The following PCYOX1 variants were observed in gnomAD, a reference collection of about 807,000 sequenced individuals.
The protein encoded by PCYOX1 is prenylcysteine oxidase 1.
In PCYOX1, 46 loss-of-function variants were observed where a neutral mutation model predicts 46.4. The observed-to-expected ratio is 0.99, with a 90% confidence interval of 0.78 to 1.27. The LOEUF is 1.27. PCYOX1 is among the 50% of genes most tolerant of loss of function. The probability of loss-of-function intolerance (pLI) is 0.00; values close to 1 mark genes in which losing one functional copy is unlikely to be tolerated. For missense variants in PCYOX1, 658 were observed against 628.3 expected (o/e 1.05, Z -0.51); for synonymous variants, 220 against 231.8 (o/e 0.95, Z 0.46).
At chr2:70,264,081 G>T (rs558280776) in intron 3 of PCYOX1, among the ~76,000 whole-genome samples, 3 of 148,148 alleles carry the variant, frequency 2.0e-5, no homozygotes, top group Non-Finnish European at 4.5e-5. Context: ...GCCTACCTTA[G>T]CCTCTGTGTA....
intron 5 of PCYOX1, among the ~76,000 whole-genome samples, chr2:70,276,006 A>G (rs1484014123): frequency 1.3e-5 from 2 of 149,792 alleles, no homozygotes; most frequent in Non-Finnish European, 3.0e-5. Context: ...AGGCTGAGGC[A>G]GGAGAATCAC....
At chr2:70,264,235 G>A (rs1182630358) in intron 3 of PCYOX1, among the ~76,000 whole-genome samples, 1 of 151,950 alleles carries the variant, frequency 6.6e-6, no homozygotes, top group Non-Finnish European at 1.5e-5. Context: ...AAAGTGTTGG[G>A]ATTACGGTTG....
upstream of PCYOX1, chr2:70,258,013 C>T (rs1448862063): frequency 3.8e-6 from 2 of 524,370 alleles, no homozygotes; most frequent in African/African-American, 2.1e-5. Flanking sequence ...TTGAGAGGAC[C>T]GGCGGGGCGA....
intron 2 of PCYOX1, among the ~76,000 whole-genome samples, chr2:70,260,822 C>T (rs182360720): frequency 1.2e-4 from 19 of 152,304 alleles, no homozygotes; most frequent in African/African-American, 2.6e-4. Context: ...CCTCTGCTTC[C>T]GTTTCCTCCA....
intron 3 of PCYOX1, among the ~76,000 whole-genome samples, chr2:70,273,529 C>G (rs1696630161): frequency 6.6e-6 from 1 of 152,146 alleles, no homozygotes; most frequent in African/African-American, 2.4e-5. Flanking sequence ...GTGAAAGTTT[C>G]CCTTCCATGA....
In PCYOX1 at chr2:70,275,613, T is replaced by C; in HGVS notation, c.806T>C (p.Leu269Pro). 6.2e-7 allele frequency: 1 copy of C among 1,614,136 alleles called. No individual in the cohort carries two copies. The highest frequency in any genetic ancestry group is 8.5e-7 in the Non-Finnish European group (1 of 1,180,014). ...CTTCTGCAGGCATCCAAAAGCAATC[T>C]TATATCTGGCTCAGTAATGTACATC... ...SGLLQASKSNLISGSVMYIEE... is the reference protein window; with the variant it reads ...SGLLQASKSNPISGSVMYIEE... The change falls in exon 5 of 6, where the codon CTT (leucine) becomes CCT (proline). Residue 269 changes from leucine (L) to proline (P), a missense_variant. Physicochemically the swap from Leu to Pro is moderately conservative, Grantham distance 98. Coordinates refer to ENST00000433351, the MANE Select transcript of PCYOX1 (RefSeq NM_016297.4).
chr2:70,258,238 C>G lies in PCYOX1; in HGVS notation c.74C>G (p.Pro25Arg), dbSNP rs1696376189. ...CTGTTGCTGTGCAGCTGCGGATGCC[C>G]CGAGGGCGCCGAGCTGCGTGCTCCG... ...LWLLLCSCGC[P>R]EGAELRAPPD... The change falls in exon 1 of 6, where the codon CCC (proline) becomes CGC (arginine). Residue 25 changes from proline (P) to arginine (R), a missense_variant. Transcript: ENST00000433351. 7 of 1,595,118 alleles carry G rather than the reference C, an allele frequency of 4.4e-6. No individual in the cohort carries two copies. Among genetic ancestry groups the G allele is most frequent in the Non-Finnish European group, 6.0e-6 (7 of 1,175,806 alleles).
rs1482453933 is a variant in PCYOX1 at position 70,277,304 on chromosome 2, C to T, written c.1430C>T (p.Ala477Val). ...ATGAGTGCCATTGCAGCCCACAACGCTGCACTCCTTGCCTATCACCGCTGG... is the reference window on the plus strand; with the variant it reads ...ATGAGTGCCATTGCAGCCCACAACGTTGCACTCCTTGCCTATCACCGCTGG... ...MEMSAIAAHN[A>V]ALLAYHRWNG... Residue 477 changes from alanine (A) to valine (V), a missense_variant, in exon 6 of 6, where the codon GCT (alanine) becomes GTT (valine). Physicochemically the swap from Ala to Val is moderately conservative, Grantham distance 64. Coordinates refer to ENST00000433351, the MANE Select transcript of PCYOX1 (RefSeq NM_016297.4). The T allele has an allele frequency of 6.2e-7, 1 of 1,614,136 alleles. No homozygotes were observed. The highest frequency in any genetic ancestry group is 8.5e-7 in the Non-Finnish European group (1 of 1,179,970).
intron 3 of PCYOX1, among the ~76,000 whole-genome samples, chr2:70,267,161 C>T (rs561763864): frequency 0.011 from 1,648 of 151,102 alleles, 22 homozygotes; most frequent in Non-Finnish European, 0.016. Flanking sequence ...GCGTCGCGGC[C>T]GGGCAGAGGC....
At chr2:70,264,027 A>G (rs1319641316) in intron 3 of PCYOX1, among the ~76,000 whole-genome samples, 1 of 136,294 alleles carries the variant, frequency 7.3e-6, no homozygotes, top group African/African-American at 2.8e-5. Context: ...CAGTGGTGTG[A>G]TCATGGCTCA....
intron 3 of PCYOX1, among the ~76,000 whole-genome samples, chr2:70,267,641 C>T (rs867930321): frequency 9.9e-5 from 15 of 152,246 alleles, no homozygotes; most frequent in African/African-American, 3.6e-4. Flanking sequence ...ATACGAAAAC[C>T]AGTCAGGCGT....
At chr2:70,274,542 CCTTAGTTTCTTT>C (rs1458178870) in intron 3 of PCYOX1, among the ~76,000 whole-genome samples, 1 of 149,716 alleles carries the variant, frequency 6.7e-6, no homozygotes, top group Non-Finnish European at 1.5e-5. Context: ...TTTCTTTCTT[CCTTAGTTTCTTT>C]TCTTTTTTTT....
At chr2:70,272,731 C>T (rs913747823) in intron 3 of PCYOX1, among the ~76,000 whole-genome samples, 5 of 152,088 alleles carry the variant, frequency 3.3e-5, no homozygotes, top group Middle Eastern at 3.4e-3. Flanking sequence ...TGGAGTCTTG[C>T]TCTGTCATCC....
Position 70,259,547 on chromosome 2 carries a change from A to G in PCYOX1, c.300A>G (p.Lys100=). The change falls in exon 2 of 6, where the codon AAA becomes AAG. Residue 100 remains lysine (K), a synonymous_variant. Transcript: ENST00000433351. ...TCCATCCTTTAAATCTGCACATGAA[A>G]CGTTTTGTCAAAGACCTGGGTATGT... ...SVIHPLNLHM[K]RFVKDLGLSA... is the part of the protein sequence containing the mutation. 1 of 1,613,788 alleles carries G rather than the reference A, an allele frequency of 6.2e-7. No individual in the cohort carries two copies. The highest frequency in any genetic ancestry group is 8.5e-7 in the Non-Finnish European group (1 of 1,179,772).
At chr2:70,269,893 A>G (rs1212570378) in intron 3 of PCYOX1, among the ~76,000 whole-genome samples, 1 of 152,178 alleles carries the variant, frequency 6.6e-6, no homozygotes, top group Non-Finnish European at 1.5e-5. Context: ...GGGAGCTACA[A>G]ACTCGTTGTG....
Position 70,279,574 on chromosome 2 carries a change from A to C in PCYOX1, c.*2182A>C, listed in dbSNP as rs1328411720. ...ATCACGAGGTCAGGAGATCAAGACC[A>C]TCCTGGCCAACATGGTGAAACCCCA... On this transcript the variant is annotated 3_prime_UTR_variant, in exon 6 of 6. Coordinates refer to ENST00000433351, the MANE Select transcript of PCYOX1 (RefSeq NM_016297.4). The C allele has an allele frequency of 1.3e-5, 2 of 152,224 alleles. No homozygotes were observed. The highest frequency in any genetic ancestry group is 2.9e-5 in the Non-Finnish European group (2 of 68,044). 9.4% of individuals were successfully genotyped at this position (152,224 alleles called of 1,614,324 possible).
intron 3 of PCYOX1, among the ~76,000 whole-genome samples, chr2:70,269,251 C>T (rs1696569411): frequency 6.7e-6 from 1 of 149,904 alleles, no homozygotes; most frequent in Admixed American, 6.7e-5. Context: ...ACAGCAACCT[C>T]TGCCTCCCAG....
intron 1 of PCYOX1, among the ~76,000 whole-genome samples, chr2:70,259,046 C>T (rs1437285094): frequency 6.6e-6 from 1 of 152,182 alleles, no homozygotes; most frequent in East Asian, 1.9e-4. Context: ...CTCTAATGTG[C>T]CCGTGAGTTG....
At position 70,276,815 on chromosome 2, in the gene PCYOX1, C is replaced by T; in HGVS notation, c.941C>T (p.Ala314Val). ...RSDFYDIVLV[A>V]TPLNRKMSNI... is the part of the protein sequence containing the mutation. ...GACTTCTATGACATCGTCTTGGTGG[C>T]CACTCCGTTGAATCGAAAAATGTCG... The change falls in exon 6 of 6, where the codon GCC becomes GTC. Residue 314 changes from alanine to valine, a missense_variant. By Grantham distance (64) the Ala-to-Val change is moderately conservative (BLOSUM62 0). Coordinates refer to ENST00000433351, the MANE Select transcript of PCYOX1 (RefSeq NM_016297.4). The T allele has an allele frequency of 6.2e-7, 1 of 1,612,310 alleles. No individual in the cohort carries two copies. Among genetic ancestry groups the T allele is most frequent in the Non-Finnish European group, 8.5e-7 (1 of 1,178,478 alleles).
Sources: gnomAD v4.1 joint callset for allele counts (sites outside exome capture counted in the v4.1 genomes callset) on GRCh38, gnomAD v4.1.1 for gene constraint, MANE v1.5 for transcripts, NCBI Gene and HGNC (gene_info 2026-07-23, HGNC 2026-07-21) for gene names.